The following RAD23B variants were observed in gnomAD, a reference collection of about 807,000 sequenced individuals.
The protein encoded by RAD23B is lysine-specific demethylase RAD23B.
RAD23B carries 5 observed loss-of-function variants against 49.1 expected under a neutral mutation model. The ratio of observed to expected loss-of-function variants is 0.10; its 90% CI spans 0.05 to 0.21. The LOEUF is 0.21. Ranked by LOEUF, RAD23B falls within the 10% of genes least tolerant of loss-of-function variation. The pLI, the probability that RAD23B is intolerant of heterozygous loss-of-function variation, is 1.00. For missense variants in RAD23B, 356 were observed against 486.7 expected, an observed-to-expected ratio of 0.73 and a Z score of 2.53; for synonymous variants, 184 against 165.4, an observed-to-expected ratio of 1.11 and a Z score of -0.86.
intron 1 of RAD23B, among the ~76,000 whole-genome samples, chr9:107,293,926 A>C (rs1376050795): frequency 3.3e-5 from 5 of 152,192 alleles, no homozygotes. Context: ...CTGGGACTAC[A>C]AGCGGGCACC....
intron 1 of RAD23B, among the ~76,000 whole-genome samples, chr9:107,292,148 A>G (rs1445893628): frequency 6.6e-6 from 1 of 151,184 alleles, no homozygotes; most frequent in Non-Finnish European, 1.5e-5. Flanking sequence ...TTTTTCCTCA[A>G]ACATAGTTAT....
chr9:107,284,429 G>C (rs568225391), intron 1 of RAD23B, among the ~76,000 whole-genome samples: 1 of 151,834 alleles, frequency 6.6e-6, no homozygotes, highest in Non-Finnish European at 1.5e-5. Context: ...TGTAGGAGTT[G>C]GAACGCTGCA....
At position 107,284,056 on chromosome 9, in the gene RAD23B, G is replaced by T. The variant is rs72736194; in HGVS notation, c.66+361G>T. The T allele has an allele frequency of 8.1e-5, 83 of 1,024,234 alleles. No individual in the cohort carries two copies. The East Asian group carries it at 3.4e-3, about 42-fold the overall frequency. 63.4% of individuals were successfully genotyped at this position (1,024,234 alleles called of 1,614,324 possible). On this transcript the variant is annotated intron_variant, in intron 1 of 9. Coordinates refer to ENST00000358015, the MANE Select transcript of RAD23B (RefSeq NM_002874.5). Reference sequence around the variant, plus strand: ...GGCTTTCTGGTATGGGTGCACAGGTGGGGGAGGGAGACGTAGGCGTCGCCA... The same window carrying T: ...GGCTTTCTGGTATGGGTGCACAGGTTGGGGAGGGAGACGTAGGCGTCGCCA...
chr9:107,306,049 A>ATATATATATATG (rs1826758731), intron 3 of RAD23B, among the ~76,000 whole-genome samples: 1 of 79,360 alleles, frequency 1.3e-5, no homozygotes, highest in Admixed American at 1.3e-4. Flanking sequence ...TACGGTTTAT[A>ATATATATATATG]TCTATATATA....
In RAD23B at chr9:107,318,954, C is replaced by A; in HGVS notation, c.681+75C>A. 6.9e-7 allele frequency: 1 copy of A among 1,444,850 alleles called. No homozygotes were observed. Among genetic ancestry groups the A allele is most frequent in the Admixed American group, 2.0e-5 (1 of 50,734 alleles). 89.5% of individuals were successfully genotyped at this position (1,444,850 alleles called of 1,614,324 possible). A position where few individuals can be genotyped will look rare whatever the true frequency, so the allele number is the denominator to read the frequency against. On this transcript the variant is annotated intron_variant, in intron 6 of 9. Transcript: ENST00000358015. This position sits in a 1 kb window ranked among gnomAD's most constrained non-coding sequence, Gnocchi z 4.3. ...CTCAAAGAAACAGATTTTAAAGGAC[C>A]AGTTCACTTGTCACTGATATATGCT...
At chr9:107,323,586 C>T (rs1351070276) in intron 7 of RAD23B, among the ~76,000 whole-genome samples, 1 of 152,112 alleles carries the variant, frequency 6.6e-6, no homozygotes, top group African/African-American at 2.4e-5. Flanking sequence ...AGAACACACA[C>T]AGGAGACAAG....
chr9:107,326,956 T>C lies in RAD23B; in HGVS notation c.1116+1952T>C, dbSNP rs560373650. 3.3e-5 allele frequency among the ~76,000 whole-genome samples: 5 copies of C among 152,252 alleles called. No homozygotes were observed. In the East Asian group the frequency reaches 9.7e-4, roughly 29 times the overall value. On this transcript the variant is annotated intron_variant, in intron 9 of 9. Coordinates refer to ENST00000358015, the MANE Select transcript of RAD23B (RefSeq NM_002874.5). ...ACCCGGCCAACTTTTCTATTTCTTTTAGAGTCAGTTTTGGTGGTTTTTGAC... is the reference window on the plus strand; with the variant it reads ...ACCCGGCCAACTTTTCTATTTCTTTCAGAGTCAGTTTTGGTGGTTTTTGAC...
chr9:107,316,260 C>T (rs1354493795), intron 5 of RAD23B, among the ~76,000 whole-genome samples: 2 of 152,186 alleles, frequency 1.3e-5, no homozygotes, highest in Non-Finnish European at 2.9e-5. Context: ...ATCTGCCCGC[C>T]TCGGCCTCCC....
intron 9 of RAD23B, among the ~76,000 whole-genome samples, chr9:107,327,621 A>G (rs1309861408): frequency 6.6e-6 from 1 of 152,214 alleles, no homozygotes; most frequent in Non-Finnish European, 1.5e-5. Flanking sequence ...ATAATCAGAG[A>G]ATATACTTTC....
rs34042765 is a variant in RAD23B at position 107,325,313 on chromosome 9, C to CAAA, written c.1116+335_1116+337dup. ...TGGGCAACAGAGTGAGACTCTGTCT[C>CAAA]AAAAAAAAAAAAAAAAAAAAAAAAA... On this transcript the variant is annotated intron_variant, in intron 9 of 9. Coordinates refer to ENST00000358015, the MANE Select transcript of RAD23B (RefSeq NM_002874.5). 2.1e-3 allele frequency among the ~76,000 whole-genome samples: 126 copies of CAAA among 61,376 alleles called. 7 individuals carry two copies. The highest frequency in any genetic ancestry group is 2.4e-3 in the Non-Finnish European group (84 of 34,680). The allele number at this position is 61,376 out of a possible 152,430, so 40.3% of individuals were successfully genotyped here.
chr9:107,296,523 T>G (rs1826523863), intron 1 of RAD23B, among the ~76,000 whole-genome samples: 4 of 152,120 alleles, frequency 2.6e-5, no homozygotes, highest in Admixed American at 2.6e-4. Context: ...TTTGTCCAAT[T>G]TTTTTATTAG....
intron 9 of RAD23B, among the ~76,000 whole-genome samples, chr9:107,326,369 T>A (rs928526723): frequency 3.3e-5 from 5 of 151,034 alleles, no homozygotes; most frequent in Admixed American, 6.6e-5. Context: ...TAGTCCCAGC[T>A]ACTCGGGAGA....
chr9:107,325,630 A>C (rs996090035), intron 9 of RAD23B, among the ~76,000 whole-genome samples: 1 of 152,200 alleles, frequency 6.6e-6, no homozygotes, highest in African/African-American at 2.4e-5. Context: ...TTTATTCATT[A>C]AGTAGTTTGT....
intron 1 of RAD23B, among the ~76,000 whole-genome samples, chr9:107,289,126 CCCTCTCCTTT>C (rs1302142679): frequency 8.1e-5 from 11 of 135,988 alleles, no homozygotes; most frequent in African/African-American, 3.0e-4. Context: ...CTTCCCCCTT[CCCTCTCCTTT>C]CCTCTCCTTC....
chr9:107,322,442 TCTTA>T (rs1827128956), intron 7 of RAD23B, among the ~76,000 whole-genome samples: 1 of 152,262 alleles, frequency 6.6e-6, no homozygotes, highest in Admixed American at 6.5e-5. Flanking sequence ...TCACTTTGTC[TCTTA>T]CTCTCTCCAT....
Position 107,331,893 on chromosome 9 carries a change from C to T in RAD23B, c.*2237C>T, listed in dbSNP as rs1827316911. 1 of 489,104 alleles carries T rather than the reference C, an allele frequency of 2.0e-6. No homozygotes were observed. The highest frequency in any genetic ancestry group is 3.6e-6 in the Non-Finnish European group (1 of 274,732). 30.3% of individuals were successfully genotyped at this position (489,104 alleles called of 1,614,324 possible). ...CATAAAAGAAATAGGCTTTTTGTGCCTTTTGCTGTTAATGTTTAATTTACA... is the reference window on the plus strand; with the variant it reads ...CATAAAAGAAATAGGCTTTTTGTGCTTTTTGCTGTTAATGTTTAATTTACA... On this transcript the variant is annotated 3_prime_UTR_variant, in exon 10 of 10. Coordinates refer to ENST00000358015, the MANE Select transcript of RAD23B (RefSeq NM_002874.5).
chr9:107,284,273 C>T (rs1435578619), intron 1 of RAD23B: 10 of 966,300 alleles, frequency 1.0e-5, no homozygotes, highest in Non-Finnish European at 3.7e-6. Context: ...TGCTGCCTTC[C>T]TCCCGCCACC....
chr9:107,294,932 A>G (rs1438089663), intron 1 of RAD23B, among the ~76,000 whole-genome samples: 3 of 152,188 alleles, frequency 2.0e-5, no homozygotes, highest in African/African-American at 4.8e-5. Context: ...CCTGGAAGCC[A>G]AGAGATGGCA....
At chr9:107,315,387 A>G (rs1235119485) in intron 5 of RAD23B, among the ~76,000 whole-genome samples, 1 of 152,202 alleles carries the variant, frequency 6.6e-6, no homozygotes, top group Non-Finnish European at 1.5e-5. Context: ...GCCTGGTAGT[A>G]TTATTTGAAG....
Sources: allele counts gnomAD v4.1 joint callset (sites outside exome capture counted in the v4.1 genomes callset), GRCh38; gene constraint gnomAD v4.1.1; non-coding constraint Gnocchi (gnomAD v3.1); transcripts MANE v1.5; gene names NCBI Gene and HGNC (gene_info 2026-07-23, HGNC 2026-07-21).